The following ADCK2 variants were observed in gnomAD, a reference collection of about 807,000 sequenced individuals.
ADCK2 encodes the protein aarF domain containing kinase 2, also known as uncharacterized aarF domain-containing protein kinase 2.
A neutral mutation model predicts 52.3 loss-of-function variants in ADCK2; 37 were observed. The ratio of observed to expected loss-of-function variants is 0.71; its 90% CI spans 0.54 to 0.93. The LOEUF (loss-of-function observed/expected upper bound fraction) is 0.93, where lower values mean the gene tolerates loss of function less well. Among genes scored for constraint, ADCK2 ranks in the 40% least tolerant of loss-of-function variants. The probability of loss-of-function intolerance (pLI) is 0.00; values close to 1 mark genes in which losing one functional copy is unlikely to be tolerated. For synonymous variants in ADCK2, 321 were observed against 349.2 expected, an observed-to-expected ratio of 0.92 and a Z score of 0.90; for missense variants, 695 against 798.7, an observed-to-expected ratio of 0.87 and a Z score of 1.56.
rs1030901683 is a variant in ADCK2, at chr7:140,691,852, G to A, written c.1740+1039G>A. ...CCTGTGGCCATGTGGGCAAGCCCCC[G>A]CCTGCTGCTGGGTCCTCCCGCCTCC... On this transcript the variant is annotated intron_variant, in intron 7 of 7. Coordinates refer to ENST00000072869, the MANE Select transcript of ADCK2 (RefSeq NM_052853.4). 1.6e-4 allele frequency among the ~76,000 whole-genome samples: 24 copies of A among 152,066 alleles called. 1 individual carries two copies. The highest frequency in any genetic ancestry group is 1.1e-3 in the Admixed American group (17 of 15,272).
At chr7:140,675,744 T>C (rs1794396024) in intron 2 of ADCK2, among the ~76,000 whole-genome samples, 1 of 152,250 alleles carries the variant, frequency 6.6e-6, no homozygotes. Context: ...CCATAATCAA[T>C]GACTCCAGAG....
At position 140,674,773 on chromosome 7, in the gene ADCK2, C is replaced by G. The variant is rs1794368931; in HGVS notation, c.1080+16C>G. The G allele has an allele frequency of 2.5e-6, 4 of 1,611,880 alleles. No homozygotes were observed. The highest frequency in any genetic ancestry group is 3.4e-6 in the Non-Finnish European group (4 of 1,178,520). On this transcript the variant is annotated intron_variant, in intron 2 of 7. Transcript: ENST00000072869. This position sits in a 1 kb window ranked among gnomAD's most constrained non-coding sequence, Gnocchi z 4.6. ...GGTCCAACAGGTGAGTTCTCCTCCC[C>G]TCAGCTGTAAATAGCACCTAACATA...
At chr7:140,675,519 G>A (rs1296473224) in intron 2 of ADCK2, among the ~76,000 whole-genome samples, 1 of 152,198 alleles carries the variant, frequency 6.6e-6, no homozygotes, top group Non-Finnish European at 1.5e-5. Context: ...TTCAACATGT[G>A]TCATCTGGGG....
At chr7:140,689,283 T>A (rs1054747520) in intron 5 of ADCK2, among the ~76,000 whole-genome samples, 141 of 149,154 alleles carry the variant, frequency 9.5e-4, no homozygotes, top group South Asian at 3.6e-3. Context: ...TAAAAAAAAA[T>A]TTTTTTTTTT....
intron 4 of ADCK2, among the ~76,000 whole-genome samples, chr7:140,683,282 TAAACAAAC>T (rs3048843): frequency 7.2e-5 from 11 of 152,160 alleles, no homozygotes; most frequent in South Asian, 4.2e-4. Flanking sequence ...AGACTCCGTC[TAAACAAAC>T]AAACAAACAA....
chr7:140,681,213 C>G, intron 4 of ADCK2, 76 bp downstream of exon 4: 1 of 1,407,166 alleles, frequency 7.1e-7, no homozygotes, highest in Non-Finnish European at 1.0e-6. Context: ...GGGACTCTGG[C>G]TATCTGGGTG....
At position 140,694,644 on chromosome 7, in the gene ADCK2, TTC is replaced by T. The variant is rs765181960; in HGVS notation, c.1741-17_1741-16del. 3 of 1,611,366 alleles carry T rather than the reference TTC, an allele frequency of 1.9e-6. No homozygotes were observed. The highest frequency in any genetic ancestry group is 2.5e-6 in the Non-Finnish European group (3 of 1,178,214). On this transcript the variant is annotated splice_polypyrimidine_tract_variant and intron_variant, in intron 7 of 7. Coordinates refer to ENST00000072869, the MANE Select transcript of ADCK2 (RefSeq NM_052853.4). ...TATCAGCATGTTCTGAGATGAACTG[TTC>T]TGTTTTTCTGTTCCAGGTAAAGCTT...
In ADCK2 at chr7:140,695,056, C is replaced by T; in HGVS notation, c.*253C>T. The stretch of plus-strand genomic sequence containing the variant: ...AGCTGGGCCAGGTGCCAGGGACACT[C>T]TCCTTCAGGGAAAATGTTATGTGGA... On this transcript the variant is annotated 3_prime_UTR_variant, in exon 8 of 8. Coordinates refer to ENST00000072869, the MANE Select transcript of ADCK2 (RefSeq NM_052853.4). The T allele has an allele frequency of 4.9e-6, 6 of 1,230,624 alleles. No individual in the cohort carries two copies. Among genetic ancestry groups the T allele is most frequent in the Non-Finnish European group, 5.1e-6 (5 of 986,392 alleles). 76.2% of individuals were successfully genotyped at this position (1,230,624 alleles called of 1,614,324 possible).
chr7:140,673,148 G>A lies in ADCK2; in HGVS notation c.-183G>A. The A allele has an allele frequency of 3.0e-6, 1 of 329,464 alleles. No homozygotes were observed. Among genetic ancestry groups the A allele is most frequent in the Non-Finnish European group, 5.4e-6 (1 of 186,502 alleles). The allele number at this position is 329,464 out of a possible 1,614,324, so 20.4% of individuals were successfully genotyped here. ...GCGCGGCGCGGCGCGGCGGGTGTCGGGCGGGGCGCGGGCCTCCGGCCTGAG... is the reference window on the plus strand; with the variant it reads ...GCGCGGCGCGGCGCGGCGGGTGTCGAGCGGGGCGCGGGCCTCCGGCCTGAG... On this transcript the variant is annotated 5_prime_UTR_variant, in exon 1 of 8. Transcript: ENST00000072869. The surrounding 1 kb of genome is among the most constrained non-coding windows in gnomAD (Gnocchi z 6.4).
At chr7:140,690,928 T>C (rs1024716764) in intron 7 of ADCK2, 115 bp downstream of exon 7, 1 of 1,035,220 alleles carries the variant, frequency 9.7e-7, no homozygotes. Context: ...TTTTTGTTGT[T>C]GTTTTTCTTT....
chr7:140,688,590 C>A (rs1460319446), intron 5 of ADCK2, among the ~76,000 whole-genome samples: 3 of 152,236 alleles, frequency 2.0e-5, no homozygotes, highest in Non-Finnish European at 4.4e-5. Context: ...CCTTCTCCAG[C>A]AAACATCCAG....
At chr7:140,691,480 G>GT (rs1292341268) in intron 7 of ADCK2, among the ~76,000 whole-genome samples, 2 of 151,986 alleles carry the variant, frequency 1.3e-5, no homozygotes, top group Non-Finnish European at 2.9e-5. Flanking sequence ...GGGGTCCAGA[G>GT]GCCGCTCTAG....
intron 5 of ADCK2, among the ~76,000 whole-genome samples, chr7:140,688,644 C>T (rs529072590): frequency 8.0e-4 from 122 of 152,318 alleles, no homozygotes; most frequent in African/African-American, 2.8e-3. Context: ...TAATGGCTGC[C>T]CCTGGTGTGT....
At chr7:140,676,736 T>C (rs1794425582) in intron 2 of ADCK2, among the ~76,000 whole-genome samples, 1 of 152,198 alleles carries the variant, frequency 6.6e-6, no homozygotes, top group Non-Finnish European at 1.5e-5. Flanking sequence ...AAAAACTCTG[T>C]TAGGGCTGGG....
chr7:140,680,990 AG>A, intron 3 of ADCK2, 51 bp from the exon 4 acceptor site: 5 of 1,544,830 alleles, frequency 3.2e-6, no homozygotes, highest in Non-Finnish European at 4.5e-6. Context: ...AGGAGGAGCC[AG>A]CATCACAGGC....
chr7:140,682,783 G>T (rs1378302359), intron 4 of ADCK2, among the ~76,000 whole-genome samples: 5 of 148,958 alleles, frequency 3.4e-5, no homozygotes, highest in Non-Finnish European at 5.9e-5. Flanking sequence ...TGAGCCCAGG[G>T]GTTTGAGACC....
intron 7 of ADCK2, 39 bp from the exon 8 acceptor site, chr7:140,694,624 G>A (rs1563212435): frequency 1.3e-6 from 2 of 1,593,502 alleles, no homozygotes; most frequent in Non-Finnish European, 1.7e-6. Flanking sequence ...CCCTGTATCA[G>A]CATGTTCTGA....
intron 7 of ADCK2, 146 bp downstream of exon 7, chr7:140,690,959 T>G: frequency 1.3e-6 from 1 of 777,130 alleles, no homozygotes; most frequent in Non-Finnish European, 2.0e-6. Flanking sequence ...AGAGTCTCAC[T>G]CTGTCGCCCA....
Position 140,673,356 on chromosome 7 carries a change from T to A in ADCK2, c.26T>A (p.Val9Asp). The A allele has an allele frequency of 6.8e-7, 1 of 1,477,258 alleles. No individual in the cohort carries two copies. The highest frequency in any genetic ancestry group is 1.4e-5 in the African/African-American group (1 of 70,098). 91.5% of individuals were successfully genotyped at this position (1,477,258 alleles called of 1,614,324 possible). Reference protein sequence around the residue: MVAPWRVSVRVCLSHLRCF... With the variant: MVAPWRVSDRVCLSHLRCF... The stretch of plus-strand genomic sequence containing the variant: ...ATGGTGGCGCCCTGGCGCGTCTCCG[T>A]CAGGGTTTGCCTGTCGCACCTGAGG... Residue 9 changes from valine (V) to aspartate (D), a missense_variant, in exon 1 of 8, where the codon GTC becomes GAC. Val to Asp is a radical substitution (Grantham distance 152, BLOSUM62 -3). Coordinates refer to ENST00000072869, the MANE Select transcript of ADCK2 (RefSeq NM_052853.4). The surrounding 1 kb of genome is among the most constrained non-coding windows in gnomAD (Gnocchi z 6.4).
Sources: gnomAD v4.1 joint callset for allele counts (sites outside exome capture counted in the v4.1 genomes callset) on GRCh38, gnomAD v4.1.1 for gene constraint, Gnocchi (gnomAD v3.1) non-coding constraint, MANE v1.5 for transcripts, NCBI Gene and HGNC (gene_info 2026-07-23, HGNC 2026-07-21) for gene names.